The following RAB5A variants were observed in gnomAD, a reference collection of about 807,000 sequenced individuals.
RAB5A encodes ras-related protein Rab-5A.
In RAB5A, 8 loss-of-function variants were observed where a neutral mutation model predicts 25.7. The observed-to-expected ratio is 0.31, with a 90% CI of 0.18 to 0.56. The LOEUF is 0.56. Among genes scored for constraint, RAB5A ranks in the 20% least tolerant of loss-of-function variants. The pLI is 0.91. For missense variants in RAB5A, 192 were observed against 259.7 expected (o/e 0.74, Z 1.79); for synonymous variants, 98 against 89.8 (o/e 1.09, Z -0.52).
chr3:19,958,442 C>T (rs1005163915), intron 2 of RAB5A, among the ~76,000 whole-genome samples: 2 of 152,152 alleles, frequency 1.3e-5, no homozygotes, highest in Non-Finnish European at 2.9e-5. Flanking sequence ...TAAACATTCC[C>T]GTGAGCTGGG....
chr3:19,947,599 CCTGCCGGTA>C (rs1389733150), intron 1 of RAB5A, 78 bp downstream of exon 1: 3 of 152,466 alleles, frequency 2.0e-5, no homozygotes, highest in African/African-American at 7.2e-5. Flanking sequence ...TGTCCGCGGC[CCTGCCGGTA>C]CTGAGACCCC....
intron 2 of RAB5A, among the ~76,000 whole-genome samples, chr3:19,964,645 A>G (rs895756779): frequency 2.0e-5 from 3 of 152,178 alleles, no homozygotes; most frequent in African/African-American, 7.2e-5. Flanking sequence ...TTTGTTTGAG[A>G]CGGAGTCACC....
chr3:19,971,618 T>C (rs1188291228), intron 2 of RAB5A, among the ~76,000 whole-genome samples: 2 of 152,074 alleles, frequency 1.3e-5, no homozygotes, highest in Non-Finnish European at 2.9e-5. Flanking sequence ...GTTACAGGCA[T>C]GCACCACCAT....
At chr3:19,977,116 G>A (rs554624432) in intron 4 of RAB5A, among the ~76,000 whole-genome samples, 10 of 150,934 alleles carry the variant, frequency 6.6e-5, no homozygotes, top group African/African-American at 2.4e-4. Context: ...CAGTTGCCCA[G>A]GCTGGAGTGC....
At chr3:19,970,157 C>G (rs1000756550) in intron 2 of RAB5A, among the ~76,000 whole-genome samples, 1 of 152,120 alleles carries the variant, frequency 6.6e-6, no homozygotes, top group African/African-American at 2.4e-5. Flanking sequence ...ACCTCGGCCT[C>G]CCAAAGTGCT....
intron 2 of RAB5A, among the ~76,000 whole-genome samples, chr3:19,966,953 G>T (rs1696670421): frequency 6.6e-6 from 1 of 152,052 alleles, no homozygotes; most frequent in African/African-American, 2.4e-5. Flanking sequence ...ATACCCCCAT[G>T]CCTGGCTATG....
chr3:19,971,211 A>AC (rs200346355), intron 2 of RAB5A, among the ~76,000 whole-genome samples: 22,148 of 146,894 alleles, frequency 0.15, 1,934 homozygotes, highest in Non-Finnish European at 0.21. Flanking sequence ...AAAAAAAAAA[A>AC]AAAACACTAT....
intron 2 of RAB5A, among the ~76,000 whole-genome samples, chr3:19,965,759 AG>A (rs1696652187): frequency 6.6e-6 from 1 of 151,830 alleles, no homozygotes; most frequent in African/African-American, 2.4e-5. Flanking sequence ...TTTTTGGGGC[AG>A]GGGTTGGGAT....
At chr3:19,950,017 G>A (rs1696399942) in intron 1 of RAB5A, among the ~76,000 whole-genome samples, 1 of 152,190 alleles carries the variant, frequency 6.6e-6, no homozygotes, top group Non-Finnish European at 1.5e-5. Flanking sequence ...CAGCCTGGGT[G>A]AGAGAGCAAA....
chr3:19,973,888 G>A (rs1696786113), intron 2 of RAB5A, among the ~76,000 whole-genome samples: 1 of 152,170 alleles, frequency 6.6e-6, no homozygotes, highest in East Asian at 1.9e-4. Flanking sequence ...TTTGATACTG[G>A]TTAGTACATC....
rs1445339412 is a variant in RAB5A at position 19,984,723 on chromosome 3, A to G, written c.*900A>G. On this transcript the variant is annotated 3_prime_UTR_variant, in exon 6 of 6. Coordinates refer to ENST00000273047, the MANE Select transcript of RAB5A (RefSeq NM_004162.5). ...TCTTCAGCTGTACTGTAAATAGGGTACTGCATTGTAGTCTCCATATCTGTA... is the reference window on the plus strand; with the variant it reads ...TCTTCAGCTGTACTGTAAATAGGGTGCTGCATTGTAGTCTCCATATCTGTA... 6.5e-6 allele frequency: 1 copy of G among 154,042 alleles called. No individual in the cohort carries two copies. Among genetic ancestry groups the G allele is most frequent in the Non-Finnish European group, 1.4e-5 (1 of 69,174 alleles). 9.5% of individuals were successfully genotyped at this position (154,042 alleles called of 1,614,324 possible). A position where few individuals can be genotyped will look rare whatever the true frequency, so the allele number is the denominator to read the frequency against.
intron 3 of RAB5A, 140 bp downstream of exon 3, chr3:19,975,892 G>T: frequency 1.5e-6 from 2 of 1,313,750 alleles, no homozygotes; most frequent in South Asian, 3.2e-5. Context: ...AGAAAATCTG[G>T]TTTTAAAAAA....
chr3:19,967,640 T>A (rs1236311855), intron 2 of RAB5A, among the ~76,000 whole-genome samples: 2 of 152,336 alleles, frequency 1.3e-5, no homozygotes, highest in South Asian at 2.1e-4. Context: ...GCTATCTACA[T>A]AATAATTTTT....
chr3:19,955,643 C>G (rs1055882894), intron 2 of RAB5A, among the ~76,000 whole-genome samples: 7 of 152,106 alleles, frequency 4.6e-5, no homozygotes, highest in Admixed American at 2.0e-4. Flanking sequence ...CCTGTAATCC[C>G]AACACTTTGG....
chr3:19,969,044 G>C (rs9310600), intron 2 of RAB5A, among the ~76,000 whole-genome samples: 1 of 65,552 alleles, frequency 1.5e-5, no homozygotes, highest in South Asian at 5.7e-4. Context: ...TTTTTTTTTT[G>C]GTTTTTTTTT....
intron 2 of RAB5A, among the ~76,000 whole-genome samples, chr3:19,953,411 CTTT>C (rs11383693): frequency 5.2e-5 from 7 of 134,520 alleles, no homozygotes; most frequent in Admixed American, 7.6e-5. Flanking sequence ...TCTGTTAATC[CTTT>C]TTTTTTTTTT....
chr3:19,949,060 T>C (rs1438509137), intron 1 of RAB5A, among the ~76,000 whole-genome samples: 1 of 152,200 alleles, frequency 6.6e-6, no homozygotes, highest in Admixed American at 6.5e-5. Flanking sequence ...TTAGATATTA[T>C]GGGAATAGAA....
chr3:19,969,044 G>GTTTTTT (rs746635502), intron 2 of RAB5A, among the ~76,000 whole-genome samples: 2 of 65,552 alleles, frequency 3.1e-5, no homozygotes, highest in Non-Finnish European at 2.7e-5. Flanking sequence ...TTTTTTTTTT[G>GTTTTTT]GTTTTTTTTT....
intron 2 of RAB5A, among the ~76,000 whole-genome samples, chr3:19,969,043 TGG>T (rs1491257859): frequency 0.096 from 6,730 of 70,170 alleles, 329 homozygotes; most frequent in Middle Eastern, 0.14. Flanking sequence ...TTTTTTTTTT[TGG>T]TTTTTTTTTT....
Sources: allele counts gnomAD v4.1 joint callset (sites outside exome capture counted in the v4.1 genomes callset), GRCh38; gene constraint gnomAD v4.1.1; transcripts MANE v1.5; gene names NCBI Gene and HGNC (gene_info 2026-07-23, HGNC 2026-07-21).